CCDC28A: variants seen among roughly 807,000 people sequenced by gnomAD.
CCDC28A encodes coiled-coil domain-containing protein 28A.
A neutral mutation model predicts 22.1 loss-of-function variants in CCDC28A; 24 were observed. The observed-to-expected ratio is 1.09, with a 90% CI of 0.79 to 1.53. CCDC28A has a LOEUF of 1.53. Among genes scored for constraint, CCDC28A ranks in the 40% most tolerant of loss-of-function variants. CCDC28A has a pLI of 0.00. For synonymous variants in CCDC28A, 83 were observed against 74.7 expected (o/e 1.11, Z -0.57); for missense variants, 170 against 210.7 (o/e 0.81, Z 1.20).
intron 2 of CCDC28A, among the ~76,000 whole-genome samples, chr6:138,779,330 AGT>A (rs1298071156): frequency 6.6e-6 from 1 of 152,150 alleles, no homozygotes; most frequent in African/African-American, 2.4e-5. Context: ...GATGATAACA[AGT>A]TTTTAGTATT....
rs1427609401 is a variant in CCDC28A at position 138,792,815 on chromosome 6, G to A, written c.*12G>A. 5.0e-6 allele frequency: 8 copies of A among 1,595,004 alleles called. No individual in the cohort carries two copies. Among genetic ancestry groups the A allele is most frequent in the African/African-American group, 1.3e-5 (1 of 74,718 alleles). On this transcript the variant is annotated 3_prime_UTR_variant, in exon 6 of 6. Transcript: ENST00000617445. ...CTTCTGCTAGCTAAAATGAAATGTA[G>A]TTTGCTTTCTTGTGATTTGAAGAGA... is the stretch of plus-strand genomic sequence containing the variant.
At chr6:138,777,695 A>T (rs1012555529) in intron 2 of CCDC28A, among the ~76,000 whole-genome samples, 1 of 152,200 alleles carries the variant, frequency 6.6e-6, no homozygotes, top group Admixed American at 6.5e-5. Context: ...ATAAAGTGAG[A>T]GTGTGACATA....
chr6:138,785,021 T>A (rs1195599580), intron 3 of CCDC28A, among the ~76,000 whole-genome samples: 3 of 152,216 alleles, frequency 2.0e-5, no homozygotes, highest in African/African-American at 4.8e-5. Flanking sequence ...TTTTCTTTAG[T>A]ACCCAAGGTC....
At chr6:138,790,801 A>G (rs77838778) in intron 5 of CCDC28A, among the ~76,000 whole-genome samples, 3 of 152,224 alleles carry the variant, frequency 2.0e-5, no homozygotes, top group East Asian at 3.8e-4. Flanking sequence ...ATTCTCTGCC[A>G]TTGAGCCTGG....
intron 4 of CCDC28A, among the ~76,000 whole-genome samples, chr6:138,786,394 T>C (rs1583524076): frequency 6.6e-6 from 1 of 152,332 alleles, no homozygotes; most frequent in South Asian, 2.1e-4. Context: ...CCTCTTTAAA[T>C]CCTTTTTGGA....
At chr6:138,782,507 A>G (rs1050661781) in intron 3 of CCDC28A, among the ~76,000 whole-genome samples, 3 of 151,298 alleles carry the variant, frequency 2.0e-5, no homozygotes, top group South Asian at 2.1e-4. Flanking sequence ...TGAAGCTTCT[A>G]TTGTTCTCAT....
chr6:138,788,592 C>A lies in CCDC28A; in HGVS notation c.500+204C>A, dbSNP rs2876394. Among the ~76,000 whole-genome samples the A allele has an allele frequency of 2.8e-3, 229 of 82,026 alleles. 2 individuals are homozygous for A. The highest frequency in any genetic ancestry group is 8.7e-3 in the African/African-American group (193 of 22,168). 53.8% of individuals were successfully genotyped at this position (82,026 alleles called of 152,430 possible). ...TCTTTTTTTTTTTTTTTTTTTTTTT[C>A]AGAGACAGGGTCTTGCTCAGTGGCC... On this transcript the variant is annotated intron_variant, in intron 5 of 5. Transcript: ENST00000617445.
chr6:138,780,572 ATTT>A (rs11348177), intron 3 of CCDC28A, among the ~76,000 whole-genome samples: 10 of 124,110 alleles, frequency 8.1e-5, no homozygotes, highest in East Asian at 2.6e-4. Flanking sequence ...TTATTTCCCA[ATTT>A]TTTTTTTTTT....
chr6:138,793,067 G>A lies in CCDC28A; in HGVS notation c.*264G>A, dbSNP rs1775197917. ...CTGTGCTTCATATTGTTGCCTTATG[G>A]GATTATACTTGAAATGCATTGTGCT... On this transcript the variant is annotated 3_prime_UTR_variant, in exon 6 of 6. Transcript: ENST00000617445. 1 of 422,364 alleles carries A rather than the reference G, an allele frequency of 2.4e-6. No individual in the cohort carries two copies. Among genetic ancestry groups the A allele is most frequent in the Admixed American group, 3.9e-5 (1 of 25,680 alleles). 26.2% of individuals were successfully genotyped at this position (422,364 alleles called of 1,614,324 possible).
At chr6:138,774,981 T>A (rs567333861) in intron 1 of CCDC28A, among the ~76,000 whole-genome samples, 23 of 148,414 alleles carry the variant, frequency 1.5e-4, no homozygotes, top group Non-Finnish European at 3.4e-4. Flanking sequence ...TGAGACGGAG[T>A]CTCGCTCTGT....
At chr6:138,789,147 T>G (rs1775135223) in intron 5 of CCDC28A, among the ~76,000 whole-genome samples, 2 of 152,132 alleles carry the variant, frequency 1.3e-5, no homozygotes. Context: ...ACATTTCAAT[T>G]TAGAGCAATT....
At chr6:138,779,755 A>G in intron 2 of CCDC28A, 67 bp from the exon 3 acceptor site, 1 of 1,232,080 alleles carries the variant, frequency 8.1e-7, no homozygotes, top group Admixed American at 2.6e-5. Flanking sequence ...CATTTACTTC[A>G]CTAAAAAATT....
chr6:138,773,995 C>G (rs1474632608), intron 1 of CCDC28A, 93 bp downstream of exon 1: 17 of 1,453,212 alleles, frequency 1.2e-5, no homozygotes, highest in Non-Finnish European at 1.5e-5. Context: ...GGTGAAGGGT[C>G]ATCGCTTCGG....
intron 1 of CCDC28A, among the ~76,000 whole-genome samples, chr6:138,774,322 C>T (rs1774892421): frequency 6.6e-6 from 1 of 152,122 alleles, no homozygotes; most frequent in Non-Finnish European, 1.5e-5. Flanking sequence ...TGTGTATTAG[C>T]ATCGTTAAAT....
At chr6:138,774,046 C>A in intron 1 of CCDC28A, 144 bp downstream of exon 1, 1 of 972,050 alleles carries the variant, frequency 1.0e-6, no homozygotes, top group Non-Finnish European at 1.5e-6. Context: ...AAGAGGGATG[C>A]CCAGTGGTAC....
chr6:138,792,562 A>C lies in CCDC28A; in HGVS notation c.501-187A>C, dbSNP rs995444308. Among the ~76,000 whole-genome samples, 93 of 151,836 alleles carry C rather than the reference A, an allele frequency of 6.1e-4. 1 individual carries two copies. Among genetic ancestry groups the C allele is most frequent in the African/African-American group, 2.1e-3 (88 of 41,402 alleles). ...AAAAAGTCTTCAAATTCTAGACAAGAGTATAATTTACTACATTTAAAAGTT... is the reference window on the plus strand; with the variant it reads ...AAAAAGTCTTCAAATTCTAGACAAGCGTATAATTTACTACATTTAAAAGTT... On this transcript the variant is annotated intron_variant, in intron 5 of 5. Transcript: ENST00000617445.
At chr6:138,786,406 C>T (rs931525451) in intron 4 of CCDC28A, among the ~76,000 whole-genome samples, 10 of 152,056 alleles carry the variant, frequency 6.6e-5, no homozygotes, top group Non-Finnish European at 8.8e-5. Flanking sequence ...CTTTTTGGAA[C>T]AAAAATAAAT....
intron 5 of CCDC28A, 102 bp downstream of exon 5, chr6:138,788,490 G>GA: frequency 1.9e-6 from 1 of 529,754 alleles, no homozygotes; most frequent in Non-Finnish European, 3.3e-6. Context: ...AGATATGGTG[G>GA]AAAAAAGACA....
At chr6:138,788,081 C>T (rs1775119221) in intron 4 of CCDC28A, among the ~76,000 whole-genome samples, 1 of 151,222 alleles carries the variant, frequency 6.6e-6, no homozygotes, top group African/African-American at 2.4e-5. Context: ...CCCACCTCAG[C>T]CTCCTAAGTA....
Sources: allele counts gnomAD v4.1 joint callset (sites outside exome capture counted in the v4.1 genomes callset), GRCh38; gene constraint gnomAD v4.1.1; transcripts MANE v1.5; gene names NCBI Gene and HGNC (gene_info 2026-07-23, HGNC 2026-07-21).